The following RPAP2 variants were observed in gnomAD, a reference collection of about 807,000 sequenced individuals.
RPAP2 encodes RNA polymerase II associated protein 2.
A neutral mutation model predicts 73.1 loss-of-function variants in RPAP2; 52 were observed. The ratio of observed to expected loss-of-function variants is 0.71; its 90% CI spans 0.57 to 0.90. The LOEUF (loss-of-function observed/expected upper bound fraction) is 0.90. Among genes scored for constraint, RPAP2 ranks in the 40% least tolerant of loss-of-function variants. The pLI, the probability that RPAP2 is intolerant of heterozygous loss-of-function variation, is 0.00. For missense variants in RPAP2, 598 were observed against 701.8 expected (o/e 0.85, Z 1.67); for synonymous variants, 225 against 242.1 (o/e 0.93, Z 0.65).
At chr1:92,352,355 C>T (rs921401352) in intron 11 of RPAP2, among the ~76,000 whole-genome samples, 13 of 152,196 alleles carry the variant, frequency 8.5e-5, no homozygotes, top group Admixed American at 7.2e-4. Context: ...CTTTAGGTAA[C>T]CATCATACAG....
intron 11 of RPAP2, among the ~76,000 whole-genome samples, chr1:92,365,997 A>G (rs568447370): frequency 7.9e-4 from 120 of 152,344 alleles, no homozygotes; most frequent in African/African-American, 2.7e-3. Flanking sequence ...AAAATTTAAC[A>G]AACTTGGAAA....
At chr1:92,383,249 C>T (rs1482302364) in intron 12 of RPAP2, among the ~76,000 whole-genome samples, 1 of 152,144 alleles carries the variant, frequency 6.6e-6, no homozygotes, top group East Asian at 1.9e-4. Context: ...CTTGGCAATG[C>T]AGGCTCTTTT....
chr1:92,324,017 TACTTA>T lies in RPAP2; in HGVS notation c.1099_1103del (p.Leu367SerfsTer8), dbSNP rs1379280379. On this transcript the variant is annotated frameshift_variant, in exon 8 of 13. Coordinates refer to ENST00000610020, the MANE Select transcript of RPAP2 (RefSeq NM_024813.3). LOFTEE classifies it high-confidence loss of function. ...TGTCCTGAAGTTGGAAAGAGAAACTTACTTAAAGTTTTGAAGGAGACTTTGATTGA... is the reference window on the plus strand; with the variant it reads ...TGTCCTGAAGTTGGAAAGAGAAACTTAAGTTTTGAAGGAGACTTTGATTGA... 1 of 1,613,814 alleles carries T rather than the reference TACTTA, an allele frequency of 6.2e-7. No homozygotes were observed. The highest frequency in any genetic ancestry group is 2.2e-5 in the East Asian group (1 of 44,892).
At chr1:92,355,827 A>G (rs1333601253) in intron 11 of RPAP2, among the ~76,000 whole-genome samples, 2 of 152,214 alleles carry the variant, frequency 1.3e-5, no homozygotes, top group Non-Finnish European at 2.9e-5. Context: ...GGTAAGTATA[A>G]TGCAAGTATT....
chr1:92,360,398 G>A lies in RPAP2; in HGVS notation c.1688+14484G>A, dbSNP rs139878938. Among the ~76,000 whole-genome samples the A allele has an allele frequency of 1.9e-3, 283 of 152,276 alleles. 1 individual carries two copies. Among genetic ancestry groups the A allele is most frequent in the African/African-American group, 6.7e-3 (277 of 41,554 alleles). On this transcript the variant is annotated intron_variant, in intron 11 of 12. Coordinates refer to ENST00000610020, the MANE Select transcript of RPAP2 (RefSeq NM_024813.3). Reference sequence around the variant, plus strand: ...TACATATGGTGTTGGGGCACTAGACGGAGCAAATGCCGACTACTCTTTTCT... The same window carrying A: ...TACATATGGTGTTGGGGCACTAGACAGAGCAAATGCCGACTACTCTTTTCT...
intron 6 of RPAP2, among the ~76,000 whole-genome samples, chr1:92,316,894 T>A (rs1477971261): frequency 6.6e-6 from 1 of 152,222 alleles, no homozygotes; most frequent in Admixed American, 6.5e-5. Context: ...CAGGTACCAT[T>A]CTTTATAGAT....
At chr1:92,327,508 A>G (rs1251732465) in intron 8 of RPAP2, among the ~76,000 whole-genome samples, 1 of 152,196 alleles carries the variant, frequency 6.6e-6, no homozygotes, top group African/African-American at 2.4e-5. Context: ...TTTGCATGGA[A>G]TATGTTTTTC....
chr1:92,312,427 A>C (rs1571034788), intron 6 of RPAP2, among the ~76,000 whole-genome samples: 1 of 152,126 alleles, frequency 6.6e-6, no homozygotes, highest in Non-Finnish European at 1.5e-5. Flanking sequence ...TCAAAAAAAA[A>C]AAAAAATTGA....
chr1:92,357,166 G>A (rs940141214), intron 11 of RPAP2, among the ~76,000 whole-genome samples: 3 of 151,726 alleles, frequency 2.0e-5, no homozygotes, highest in Non-Finnish European at 4.4e-5. Flanking sequence ...CTGTGTCTTA[G>A]ACCCTGTAGG....
At chr1:92,310,463 T>C (rs1651525097) in intron 6 of RPAP2, among the ~76,000 whole-genome samples, 1 of 152,176 alleles carries the variant, frequency 6.6e-6, no homozygotes, top group Non-Finnish European at 1.5e-5. Context: ...AGTCTTCCTT[T>C]AGGGAGGAAA....
chr1:92,301,636 T>A (rs755228760), intron 3 of RPAP2, 46 bp downstream of exon 3: 2 of 799,994 alleles, frequency 2.5e-6, no homozygotes, highest in Non-Finnish European at 3.9e-6. Context: ...TATAACATCT[T>A]TAAATCTGTG....
intron 6 of RPAP2, among the ~76,000 whole-genome samples, chr1:92,313,834 C>T (rs755292970): frequency 5.9e-5 from 9 of 152,198 alleles, no homozygotes; most frequent in Non-Finnish European, 1.2e-4. Context: ...GGATAACTTG[C>T]TGTACCTTCT....
intron 11 of RPAP2, among the ~76,000 whole-genome samples, chr1:92,373,377 G>A (rs1655232482): frequency 6.6e-6 from 1 of 152,008 alleles, no homozygotes; most frequent in Non-Finnish European, 1.5e-5. Context: ...ATGAGCCAGG[G>A]AAAATACTCT....
Position 92,396,549 on chromosome 1 carries a change from T to G in RPAP2, c.*9538T>G, listed in dbSNP as rs1656186492. The G allele has an allele frequency of 6.6e-6, 1 of 152,110 alleles. No homozygotes were observed. The highest frequency in any genetic ancestry group is 2.1e-4 in the South Asian group (1 of 4,830). The allele number at this position is 152,110 out of a possible 1,614,324, so 9.4% of individuals were successfully genotyped here. ...GTTGCATGGGTCTGATGTGAAAACA[T>G]GGATTGCCTGCAGATGGGCACAAGG... On this transcript the variant is annotated 3_prime_UTR_variant, in exon 13 of 13. Coordinates refer to ENST00000610020, the MANE Select transcript of RPAP2 (RefSeq NM_024813.3).
intron 12 of RPAP2, among the ~76,000 whole-genome samples, chr1:92,385,367 C>T (rs1655825084): frequency 6.6e-6 from 1 of 152,086 alleles, no homozygotes; most frequent in Admixed American, 6.6e-5. Flanking sequence ...TTTAAGTGGA[C>T]TTAACAGTTC....
intron 11 of RPAP2, among the ~76,000 whole-genome samples, chr1:92,350,626 T>C (rs181664729): frequency 2.8e-4 from 43 of 152,350 alleles, no homozygotes; most frequent in African/African-American, 1.0e-3. Context: ...TTAATAAAAA[T>C]GTATATAAGT....
At chr1:92,302,297 T>C (rs1381816162) in intron 3 of RPAP2, among the ~76,000 whole-genome samples, 8 of 85,104 alleles carry the variant, frequency 9.4e-5, no homozygotes, top group Admixed American at 5.7e-4. Flanking sequence ...ATATAAATAA[T>C]AAATGGGAAA....
chr1:92,305,774 A>T (rs1397532307), intron 5 of RPAP2, among the ~76,000 whole-genome samples: 2 of 152,212 alleles, frequency 1.3e-5, no homozygotes, highest in Non-Finnish European at 1.5e-5. Flanking sequence ...AAATAAAAAC[A>T]CACTGAGTTT....
At chr1:92,301,666 AT>A (rs1557585785) in intron 3 of RPAP2, 76 bp downstream of exon 3, 1 of 545,962 alleles carries the variant, frequency 1.8e-6, no homozygotes, top group African/African-American at 2.0e-5. Context: ...ACTTCTTTGC[AT>A]TATTAGAATC....
Sources: gnomAD v4.1 joint callset for allele counts (sites outside exome capture counted in the v4.1 genomes callset) on GRCh38, gnomAD v4.1.1 for gene constraint, MANE v1.5 for transcripts, NCBI Gene and HGNC (gene_info 2026-07-23, HGNC 2026-07-21) for gene names.